The following KCNQ1 variants were observed in gnomAD, a reference collection of about 807,000 sequenced individuals.
The protein encoded by KCNQ1 is potassium voltage-gated channel subfamily Q member 1.
KCNQ1 carries 49 observed loss-of-function variants against 72.4 expected under a neutral mutation model. The observed-to-expected ratio is 0.68, with a 90% CI of 0.54 to 0.86. The LOEUF (loss-of-function observed/expected upper bound fraction) is 0.86. Ranked by LOEUF, KCNQ1 falls within the 40% of genes least tolerant of loss-of-function variation. The pLI is 0.00. For synonymous variants in KCNQ1, 450 were observed against 412.6 expected (o/e 1.09, Z -1.10); for missense variants, 790 against 945.1 (o/e 0.84, Z 2.15).
rs1308991502 is a variant in KCNQ1, at chr11:2,544,863, A to C, written c.477+16845A>C. On this transcript the variant is annotated intron_variant, in intron 2 of 15. Transcript: ENST00000155840. This position sits in a 1 kb window ranked among gnomAD's most constrained non-coding sequence, Gnocchi z 4.4. ...ACTGCAGTGTCCAATACAAGTGAAC[A>C]CTGCTGTGTCCCCAGCCTTAGAAGA... Among the ~76,000 whole-genome samples, 1 of 152,198 alleles carries C rather than the reference A, an allele frequency of 6.6e-6. No homozygotes were observed. The highest frequency in any genetic ancestry group is 1.5e-5 in the Non-Finnish European group (1 of 68,042).
intron 15 of KCNQ1, among the ~76,000 whole-genome samples, chr11:2,820,135 C>A (rs151293): frequency 0.2 from 30,801 of 151,900 alleles, 3,408 homozygotes; most frequent in Non-Finnish European, 0.26. Context: ...TTTTGGTGTT[C>A]TTTTTCTAGC....
chr11:2,811,632 G>A (rs1478564829), intron 15 of KCNQ1, among the ~76,000 whole-genome samples: 5 of 152,212 alleles, frequency 3.3e-5, no homozygotes, highest in Non-Finnish European at 5.9e-5. Flanking sequence ...TCTGGGCTGC[G>A]GTCTAGGGCT....
chr11:2,780,065 G>A (rs1846794891), intron 15 of KCNQ1, among the ~76,000 whole-genome samples: 1 of 152,270 alleles, frequency 6.6e-6, no homozygotes, highest in South Asian at 2.1e-4. Context: ...TTACATTCGA[G>A]TCCTCTGCCT....
At chr11:2,838,053 G>A (rs929301914) in intron 15 of KCNQ1, among the ~76,000 whole-genome samples, 2 of 152,254 alleles carry the variant, frequency 1.3e-5, no homozygotes, top group Non-Finnish European at 1.5e-5. Flanking sequence ...GACTGAGGAA[G>A]CCAGCCCAGA....
chr11:2,607,688 TAACAGTCTG>T (rs896391014), intron 10 of KCNQ1, among the ~76,000 whole-genome samples: 2 of 152,238 alleles, frequency 1.3e-5, no homozygotes, highest in African/African-American at 4.8e-5. Flanking sequence ...TACTTTGTTA[TAACAGTCTG>T]AACAGACTGA....
Position 2,572,832 on chromosome 11 carries a change from G to T in KCNQ1, c.781-14G>T. On this transcript the variant is annotated splice_polypyrimidine_tract_variant and intron_variant, in intron 5 of 15. Coordinates refer to ENST00000155840, the MANE Select transcript of KCNQ1 (RefSeq NM_000218.3). ...CGGTTCCTGGAGCCCGACACTGTGTGTTTTCTGGCCTAGGAGCTGATAACC... is the reference window on the plus strand; with the variant it reads ...CGGTTCCTGGAGCCCGACACTGTGTTTTTTCTGGCCTAGGAGCTGATAACC... 6.2e-7 allele frequency: 1 copy of T among 1,613,652 alleles called. No homozygotes were observed. Among genetic ancestry groups the T allele is most frequent in the Non-Finnish European group, 8.5e-7 (1 of 1,180,004 alleles).
chr11:2,661,979 T>G lies in KCNQ1; in HGVS notation c.1412T>G (p.Leu471Arg). ...TCCTCAGTAAGGAAGAGCCCAACACTGCTGGAAGTGAGCATGCCCCATTTC... is the reference window on the plus strand; with the variant it reads ...TCCTCAGTAAGGAAGAGCCCAACACGGCTGGAAGTGAGCATGCCCCATTTC... Reference protein sequence around the residue: ...YDSSVRKSPTLLEVSMPHFMR... With the variant: ...YDSSVRKSPTRLEVSMPHFMR... Residue 471 changes from leucine (L) to arginine (R), a missense_variant, in exon 11 of 16, where the codon CTG (leucine) becomes CGG (arginine). By Grantham distance (102) the Leu-to-Arg change is moderately radical (BLOSUM62 -2). This residue lies in a region of KCNQ1 where 178 missense variants were observed against 177.9 expected (regional missense o/e 1.00). Transcript: ENST00000155840. The surrounding 1 kb of genome is among the most constrained non-coding windows in gnomAD (Gnocchi z 5.9). 1 of 1,614,204 alleles carries G rather than the reference T, an allele frequency of 6.2e-7. No individual in the cohort carries two copies. The highest frequency in any genetic ancestry group is 8.5e-7 in the Non-Finnish European group (1 of 1,180,050).
rs891657785 is a variant in KCNQ1 at position 2,536,601 on chromosome 11, G to T, written c.477+8583G>T. Among the ~76,000 whole-genome samples, 3 of 152,234 alleles carry T rather than the reference G, an allele frequency of 2.0e-5. No individual in the cohort carries two copies. Among genetic ancestry groups the T allele is most frequent in the African/African-American group, 7.2e-5 (3 of 41,476 alleles). On this transcript the variant is annotated intron_variant, in intron 2 of 15. Transcript: ENST00000155840. The surrounding 1 kb of genome is among the most constrained non-coding windows in gnomAD (Gnocchi z 7.4). ...CTTGGGACCTCCCTCTCTCAGGCGG[G>T]TCTGGAACCCAACAGAGCTGGTTTG...
At chr11:2,675,295 TG>T in intron 11 of KCNQ1, 1 of 398,532 alleles carries the variant, frequency 2.5e-6, no homozygotes, top group Non-Finnish European at 4.4e-6. Flanking sequence ...AGCAGAGTTT[TG>T]GCAATATAAA....
rs1281673990 is a variant in KCNQ1 at position 2,492,971 on chromosome 11, C to A, written c.387-34957C>A. Among the ~76,000 whole-genome samples the A allele has an allele frequency of 6.6e-6, 1 of 152,166 alleles. No homozygotes were observed. The highest frequency in any genetic ancestry group is 1.5e-5 in the Non-Finnish European group (1 of 68,032). On this transcript the variant is annotated intron_variant, in intron 1 of 15. Transcript: ENST00000155840. This position sits in a 1 kb window ranked among gnomAD's most constrained non-coding sequence, Gnocchi z 4.1. ...TGGTTGAACTAATTTACACTCCCAC[C>A]AACAGTGTAAAAGCGTTCCTATTTC...
intron 11 of KCNQ1, chr11:2,693,294 C>T (rs1850618593): frequency 2.5e-6 from 1 of 398,766 alleles, no homozygotes; most frequent in Non-Finnish European, 4.4e-6. Flanking sequence ...TCCACAACTG[C>T]TCTTAGCACC....
intron 11 of KCNQ1, 99 bp downstream of exon 11, chr11:2,662,180 C>G: frequency 6.5e-7 from 1 of 1,532,102 alleles, no homozygotes; most frequent in Non-Finnish European, 8.9e-7. Context: ...GGCCAGAGTG[C>G]TATCTACTCG....
In KCNQ1 at chr11:2,448,317, G is replaced by A. The variant is rs75878426; in HGVS notation, c.386+2833G>A. Among the ~76,000 whole-genome samples, 234 of 152,312 alleles carry A rather than the reference G, an allele frequency of 1.5e-3. 6 individuals are homozygous for A. In the East Asian group the frequency reaches 0.032, roughly 21 times the overall value. On this transcript the variant is annotated intron_variant, in intron 1 of 15. Transcript: ENST00000155840. ...TCTGGCTCAGCAGCCCCTGTTCCCC[G>A]CTCCTACAGCCTTGGCTTTCCCTGT...
chr11:2,608,568 T>C lies in KCNQ1; in HGVS notation c.1393+19714T>C, dbSNP rs1848920223. On this transcript the variant is annotated intron_variant, in intron 10 of 15. Transcript: ENST00000155840. The surrounding 1 kb of genome is among the most constrained non-coding windows in gnomAD (Gnocchi z 4.6). ...ATAGCTCACTGTAACCTCGATCTCCTAGTCTCAAGTGATCCTTGCCCCTTA... is the reference window on the plus strand; with the variant it reads ...ATAGCTCACTGTAACCTCGATCTCCCAGTCTCAAGTGATCCTTGCCCCTTA... The C allele has an allele frequency of 7.5e-6, 3 of 398,598 alleles. No individual in the cohort carries two copies. The highest frequency in any genetic ancestry group is 1.3e-5 in the Non-Finnish European group (3 of 226,046). 24.7% of individuals were successfully genotyped at this position (398,598 alleles called of 1,614,324 possible).
chr11:2,774,197 C>T (rs1016037434), intron 12 of KCNQ1, among the ~76,000 whole-genome samples: 1 of 152,240 alleles, frequency 6.6e-6, no homozygotes, highest in African/African-American at 2.4e-5. Context: ...TCCCATATTA[C>T]AGGAGAAACT....
intron 10 of KCNQ1, chr11:2,610,298 T>C (rs904729102): frequency 1.3e-5 from 5 of 398,008 alleles, no homozygotes; most frequent in Non-Finnish European, 1.8e-5. Flanking sequence ...TTACCACTTT[T>C]TGTGGTATTG....
rs1211907798 is a variant in KCNQ1 at position 2,750,579 on chromosome 11, C to T, written c.1515-18265C>T. 2.6e-5 allele frequency among the ~76,000 whole-genome samples: 4 copies of T among 152,216 alleles called. No individual in the cohort carries two copies. The highest frequency in any genetic ancestry group is 6.5e-5 in the Admixed American group (1 of 15,288). ...ACCAGTTGCTTTGCAATTCACAAGG[C>T]TTTGGAAGGCAGTGCTCACAAATCA... On this transcript the variant is annotated intron_variant, in intron 11 of 15. Coordinates refer to ENST00000155840, the MANE Select transcript of KCNQ1 (RefSeq NM_000218.3). The surrounding 1 kb of genome is among the most constrained non-coding windows in gnomAD (Gnocchi z 6.3).
rs1203120973 is a variant in KCNQ1, at chr11:2,550,028, G to C, written c.478-20600G>C. 6.6e-6 allele frequency among the ~76,000 whole-genome samples: 1 copy of C among 152,212 alleles called. No homozygotes were observed. The highest frequency in any genetic ancestry group is 1.9e-4 in the East Asian group (1 of 5,182). On this transcript the variant is annotated intron_variant, in intron 2 of 15. Coordinates refer to ENST00000155840, the MANE Select transcript of KCNQ1 (RefSeq NM_000218.3). This position sits in a 1 kb window ranked among gnomAD's most constrained non-coding sequence, Gnocchi z 6.0. ...GCAGGGGACTGTTTGGGCCTCGAGAGGGACGGACCCCAGAACTGGACCCCA... is the reference window on the plus strand; with the variant it reads ...GCAGGGGACTGTTTGGGCCTCGAGACGGACGGACCCCAGAACTGGACCCCA...
At chr11:2,761,107 T>C (rs1313111332) in intron 11 of KCNQ1, among the ~76,000 whole-genome samples, 1 of 152,180 alleles carries the variant, frequency 6.6e-6, no homozygotes, top group Non-Finnish European at 1.5e-5. Context: ...TGCAAGGTTT[T>C]ATTGAGTGGA....
Sources: allele counts gnomAD v4.1 joint callset (sites outside exome capture counted in the v4.1 genomes callset), GRCh38; gene constraint gnomAD v4.1.1; regional missense constraint gnomAD v4.1.1; non-coding constraint Gnocchi (gnomAD v3.1); transcripts MANE v1.5; gene names NCBI Gene and HGNC (gene_info 2026-07-23, HGNC 2026-07-21).